Variants in WDR7 observed in about 807,000 individuals in gnomAD.
The protein encoded by WDR7 is WD repeat-containing protein 7.
Under a neutral mutation model 169.4 loss-of-function variants are expected in WDR7, and 46 were observed. That is an observed-to-expected ratio of 0.27 (90% CI 0.21 to 0.35). WDR7 has a LOEUF of 0.35. Ranked by LOEUF, WDR7 falls within the 10% of genes least tolerant of loss-of-function variation. The pLI, the probability that WDR7 is intolerant of heterozygous loss-of-function variation, is 1.00. For synonymous variants in WDR7, 612 were observed against 666.8 expected, an observed-to-expected ratio of 0.92 and a Z score of 1.27; for missense variants, 1,534 against 1,859.3, an observed-to-expected ratio of 0.83 and a Z score of 3.22.
At chr18:56,725,835 G>A (rs1165410782) in intron 13 of WDR7, among the ~76,000 whole-genome samples, 3 of 152,108 alleles carry the variant, frequency 2.0e-5, no homozygotes, top group Non-Finnish European at 2.9e-5. Context: ...TTTTGTATAA[G>A]GTATAAGGAA....
At chr18:57,023,130 C>G (rs1321907490) in intron 27 of WDR7, among the ~76,000 whole-genome samples, 1 of 152,202 alleles carries the variant, frequency 6.6e-6, no homozygotes, top group Non-Finnish European at 1.5e-5. Context: ...CAAGTCCTTT[C>G]AGCTTTCTCA....
At chr18:56,877,725 C>G (rs956141251) in intron 20 of WDR7, among the ~76,000 whole-genome samples, 2 of 152,014 alleles carry the variant, frequency 1.3e-5, no homozygotes, top group Non-Finnish European at 2.9e-5. Flanking sequence ...AAGCATAGTT[C>G]AAGGCCAGAA....
At chr18:56,738,414 C>T (rs2026747951) in intron 14 of WDR7, among the ~76,000 whole-genome samples, 1 of 152,016 alleles carries the variant, frequency 6.6e-6, no homozygotes, top group African/African-American at 2.4e-5. Flanking sequence ...AAAAATTAGC[C>T]AGGCTTAGTG....
At chr18:56,970,561 G>A (rs1046817563) in intron 26 of WDR7, among the ~76,000 whole-genome samples, 1 of 152,150 alleles carries the variant, frequency 6.6e-6, no homozygotes, top group African/African-American at 2.4e-5. Flanking sequence ...TTCAGCAGAA[G>A]GTACAGAGAT....
At chr18:56,748,965 C>T (rs1480347119) in intron 14 of WDR7, among the ~76,000 whole-genome samples, 1 of 151,916 alleles carries the variant, frequency 6.6e-6, no homozygotes, top group Non-Finnish European at 1.5e-5. Context: ...TTCCTTCCTT[C>T]CTTTTTTCTA....
chr18:56,694,822 G>A (rs374437868), intron 10 of WDR7, 62 bp downstream of exon 10: 2 of 1,544,558 alleles, frequency 1.3e-6, no homozygotes, highest in East Asian at 2.3e-5. Context: ...ACCAACTACT[G>A]AATAACATTC....
intron 19 of WDR7, among the ~76,000 whole-genome samples, chr18:56,804,860 A>G (rs545438869): frequency 2.0e-5 from 3 of 152,358 alleles, no homozygotes; most frequent in Non-Finnish European, 4.4e-5. Flanking sequence ...TTTTACATAC[A>G]TGCACAAATG....
At chr18:56,881,340 C>G (rs760747280) in intron 21 of WDR7, among the ~76,000 whole-genome samples, 64 of 152,020 alleles carry the variant, frequency 4.2e-4, no homozygotes, top group Admixed American at 2.6e-4. Context: ...TTTTTTAGCT[C>G]TTTACATGCA....
chr18:56,653,860 G>T (rs1163507438), intron 1 of WDR7, among the ~76,000 whole-genome samples: 3 of 152,060 alleles, frequency 2.0e-5, no homozygotes, highest in Non-Finnish European at 4.4e-5. Flanking sequence ...TTAGACCTCT[G>T]TGATACTTTC....
At chr18:56,676,510 A>G (rs2025247315) in intron 2 of WDR7, among the ~76,000 whole-genome samples, 1 of 151,952 alleles carries the variant, frequency 6.6e-6, no homozygotes, top group African/African-American at 2.4e-5. Context: ...AGGTGATACG[A>G]TTTATTTTCT....
intron 19 of WDR7, among the ~76,000 whole-genome samples, chr18:56,805,995 A>G (rs956511326): frequency 2.6e-5 from 4 of 152,096 alleles, no homozygotes; most frequent in Admixed American, 6.5e-5. Flanking sequence ...TTCTTCACCT[A>G]GTGTCATTTC....
chr18:56,665,591 G>A (rs1343696800), intron 1 of WDR7, among the ~76,000 whole-genome samples: 1 of 152,104 alleles, frequency 6.6e-6, no homozygotes, highest in Non-Finnish European at 1.5e-5. Context: ...TCATACTGCA[G>A]TGTTCCATTA....
chr18:57,004,394 G>T (rs752088072), intron 26 of WDR7, among the ~76,000 whole-genome samples: 3 of 152,012 alleles, frequency 2.0e-5, no homozygotes, highest in Non-Finnish European at 4.4e-5. Context: ...TTTCCCCATA[G>T]AAACTATTAT....
At chr18:56,807,541 G>A (rs2044796776) in intron 19 of WDR7, among the ~76,000 whole-genome samples, 1 of 151,948 alleles carries the variant, frequency 6.6e-6, no homozygotes, top group Admixed American at 6.6e-5. Flanking sequence ...AAAGCTTTAT[G>A]CTATCCCATT....
chr18:56,658,047 G>C (rs150809039), intron 1 of WDR7, among the ~76,000 whole-genome samples: 1 of 152,036 alleles, frequency 6.6e-6, no homozygotes, highest in Non-Finnish European at 1.5e-5. Context: ...AGTGCTAAGC[G>C]TTATTCTGTA....
At chr18:56,678,030 A>C (rs2025278708) in intron 2 of WDR7, among the ~76,000 whole-genome samples, 2 of 152,008 alleles carry the variant, frequency 1.3e-5, no homozygotes, top group East Asian at 3.9e-4. Context: ...TCTCTGCTTG[A>C]TCATTTCCGC....
intron 12 of WDR7, among the ~76,000 whole-genome samples, chr18:56,697,444 TC>T (rs1213714796): frequency 6.6e-6 from 1 of 152,244 alleles, no homozygotes; most frequent in African/African-American, 2.4e-5. Flanking sequence ...TACCAATGTT[TC>T]TCATTATTTT....
intron 25 of WDR7, among the ~76,000 whole-genome samples, 158 bp downstream of exon 25, chr18:56,939,551 A>C (rs558749166): frequency 6.6e-6 from 1 of 152,174 alleles, no homozygotes; most frequent in Non-Finnish European, 1.5e-5. Flanking sequence ...GTTACAGTTA[A>C]AAACAAAAAT....
At chr18:56,916,215 C>A (rs1382980664) in intron 21 of WDR7, among the ~76,000 whole-genome samples, 1 of 151,874 alleles carries the variant, frequency 6.6e-6, no homozygotes, top group Non-Finnish European at 1.5e-5. Flanking sequence ...TGTGCTGTAC[C>A]CATTAACTCG....
Sources: gnomAD v4.1 joint callset for allele counts (sites outside exome capture counted in the v4.1 genomes callset) on GRCh38, gnomAD v4.1.1 for gene constraint, MANE v1.5 for transcripts, NCBI Gene and HGNC (gene_info 2026-07-23, HGNC 2026-07-21) for gene names.